RGS7: variants seen among roughly 807,000 people sequenced by gnomAD.
RGS7 encodes regulator of G-protein signaling 7.
RGS7 carries 27 observed loss-of-function variants against 81.1 expected under a neutral mutation model. The observed-to-expected ratio is 0.33, with a 90% CI of 0.25 to 0.46. The LOEUF (loss-of-function observed/expected upper bound fraction) is 0.46, where lower values mean the gene tolerates loss of function less well. RGS7 is among the 20% of genes least tolerant of loss of function. The pLI, the probability that RGS7 is intolerant of heterozygous loss-of-function variation, is 1.00. For synonymous variants in RGS7, 208 were observed against 207.7 expected, an observed-to-expected ratio of 1.00 and a Z score of -0.01; for missense variants, 396 against 607.4, an observed-to-expected ratio of 0.65 and a Z score of 3.66.
In RGS7 at chr1:240,868,441, G is replaced by A. The variant is rs1286822731; in HGVS notation, c.609+146C>T. 3 of 733,028 alleles carry A rather than the reference G, an allele frequency of 4.1e-6. No individual in the cohort carries two copies. Among genetic ancestry groups the A allele is most frequent in the Non-Finnish European group, 7.4e-6 (3 of 407,644 alleles). 45.4% of individuals were successfully genotyped at this position (733,028 alleles called of 1,614,324 possible). On this transcript the variant is annotated intron_variant, in intron 9 of 18. Transcript: ENST00000440928. The surrounding 1 kb of genome is among the most constrained non-coding windows in gnomAD (Gnocchi z 5.1). ...TGAGGTCTAGTCATCCTACACAAAAGTGGTGATCTTTTCTTAATGAATTCA... is the reference window on the plus strand; with the variant it reads ...TGAGGTCTAGTCATCCTACACAAAAATGGTGATCTTTTCTTAATGAATTCA...
At chr1:240,988,744 GA>G (rs1686028910) in intron 3 of RGS7, among the ~76,000 whole-genome samples, 1 of 152,174 alleles carries the variant, frequency 6.6e-6, no homozygotes, top group African/African-American at 2.4e-5. Flanking sequence ...CTTGATCTAA[GA>G]AATCTCAGCA....
chr1:240,922,480 C>T, intron 6 of RGS7, among the ~76,000 whole-genome samples: 1 of 151,918 alleles, frequency 6.6e-6, no homozygotes, highest in Non-Finnish European at 1.5e-5. Context: ...TCTGATAAAG[C>T]ACTGGTATCC....
At chr1:241,053,437 A>C (rs79645835) in intron 3 of RGS7, among the ~76,000 whole-genome samples, 2,403 of 152,320 alleles carry the variant, frequency 0.016, 30 homozygotes, top group Middle Eastern at 0.051. Flanking sequence ...GGAGGGGGAA[A>C]GTCATAAAGC....
chr1:241,005,740 T>C (rs113821072), intron 3 of RGS7, among the ~76,000 whole-genome samples: 4,261 of 152,210 alleles, frequency 0.028, 205 homozygotes, highest in African/African-American at 0.096. Context: ...TTCACTTACG[T>C]TGGCCAGGCT....
chr1:240,803,758 A>C lies in RGS7; in HGVS notation c.1270-765T>G, dbSNP rs1688385489. 3.9e-5 allele frequency among the ~76,000 whole-genome samples: 6 copies of C among 152,220 alleles called. No homozygotes were observed. In the South Asian group the frequency reaches 1.2e-3, roughly 32 times the overall value. On this transcript the variant is annotated intron_variant, in intron 15 of 18. Transcript: ENST00000440928. ...CTGGTCTACCGCAGCTCAGGGAGCT[A>C]ACATGTGCCTTGATCTTCCAACTCT...
intron 2 of RGS7, among the ~76,000 whole-genome samples, chr1:241,177,654 G>A (rs778175163): frequency 1.3e-5 from 2 of 152,146 alleles, no homozygotes; most frequent in Admixed American, 6.5e-5. Flanking sequence ...CAGAAGTTTA[G>A]GTGAAAAAGC....
rs567173103 is a variant in RGS7, at chr1:241,144,325, CAT to C, written c.79-45565_79-45564del. Among the ~76,000 whole-genome samples the C allele has an allele frequency of 1.4e-4, 22 of 152,316 alleles. No individual in the cohort carries two copies. In the East Asian group the frequency reaches 3.5e-3, roughly 24 times the overall value. ...CCTGCAAACGCATCCATCACACACA[CAT>C]GTGGATACGCACAGGCACACACATC... is the stretch of plus-strand genomic sequence containing the variant. On this transcript the variant is annotated intron_variant, in intron 2 of 18. Transcript: ENST00000440928. The surrounding 1 kb of genome is among the most constrained non-coding windows in gnomAD (Gnocchi z 4.7).
At chr1:241,335,971 GTT>G (rs1296925370) in intron 2 of RGS7, among the ~76,000 whole-genome samples, 1 of 142,974 alleles carries the variant, frequency 7.0e-6, no homozygotes, top group Non-Finnish European at 1.5e-5. Context: ...ATATTTTAGA[GTT>G]GTTATGTTAG....
At position 240,855,758 on chromosome 1, in the gene RGS7, CTT is replaced by C. The variant is rs145102789; in HGVS notation, c.609+12827_609+12828del. ...AATCTACTTGTGAAAAAGATTTTAT[CTT>C]TTTAATTCATATTGTCAAATTAATT... On this transcript the variant is annotated intron_variant, in intron 9 of 18. Transcript: ENST00000440928. Among the ~76,000 whole-genome samples, 1,508 of 152,168 alleles carry C rather than the reference CTT, an allele frequency of 9.9e-3. 62 individuals carry two copies. In the East Asian group the frequency reaches 0.14, roughly 14 times the overall value.
At chr1:241,122,888 T>C (rs991563214) in intron 2 of RGS7, among the ~76,000 whole-genome samples, 1 of 152,202 alleles carries the variant, frequency 6.6e-6, no homozygotes, top group Non-Finnish European at 1.5e-5. Flanking sequence ...ATACGGTTTC[T>C]ACTGAATGTG....
chr1:241,111,074 A>G (rs750312257), intron 2 of RGS7, among the ~76,000 whole-genome samples: 1 of 152,208 alleles, frequency 6.6e-6, no homozygotes. Flanking sequence ...GCTTTGGAAC[A>G]TAAGAATTAC....
chr1:240,900,012 C>T (rs1669719320), intron 6 of RGS7, among the ~76,000 whole-genome samples: 1 of 152,130 alleles, frequency 6.6e-6, no homozygotes, highest in Non-Finnish European at 1.5e-5. Flanking sequence ...CTAAACTTCT[C>T]TTCTCGCTCC....
chr1:241,007,346 G>A (rs182581870), intron 3 of RGS7, among the ~76,000 whole-genome samples: 1 of 152,092 alleles, frequency 6.6e-6, no homozygotes. Context: ...TTTATTCTTG[G>A]ATATATAATA....
At chr1:241,304,807 T>C (rs113887066) in intron 2 of RGS7, among the ~76,000 whole-genome samples, 39 of 152,352 alleles carry the variant, frequency 2.6e-4, no homozygotes, top group African/African-American at 8.9e-4. Context: ...TTTGCACATA[T>C]GTGATGTTTG....
intron 2 of RGS7, among the ~76,000 whole-genome samples, chr1:241,320,199 C>T (rs1236192247): frequency 1.3e-5 from 2 of 152,312 alleles, no homozygotes; most frequent in East Asian, 3.9e-4. Flanking sequence ...ATGCTAATTC[C>T]AACTCTGTGC....
intron 3 of RGS7, among the ~76,000 whole-genome samples, chr1:241,049,342 G>A (rs1040584118): frequency 2.0e-5 from 3 of 152,136 alleles, no homozygotes; most frequent in Non-Finnish European, 4.4e-5. Context: ...AGTTGTCTTC[G>A]TGAATTCTTA....
chr1:240,976,612 G>A (rs1282779325), intron 4 of RGS7, among the ~76,000 whole-genome samples: 4 of 152,110 alleles, frequency 2.6e-5, no homozygotes, highest in Non-Finnish European at 4.4e-5. Context: ...AGGGAATTCT[G>A]CCACCAGACC....
At chr1:241,236,110 A>C (rs985341422) in intron 2 of RGS7, among the ~76,000 whole-genome samples, 30 of 152,026 alleles carry the variant, frequency 2.0e-4, no homozygotes, top group African/African-American at 7.0e-4. Context: ...GAGAATACTT[A>C]AGAGAAAGTT....
At chr1:240,793,600 TA>T (rs1558259227) in intron 18 of RGS7, among the ~76,000 whole-genome samples, 5 of 105,152 alleles carry the variant, frequency 4.8e-5, no homozygotes, top group East Asian at 2.3e-4. Context: ...TATATATATA[TA>T]TATATATATA....
Sources: allele counts gnomAD v4.1 joint callset (sites outside exome capture counted in the v4.1 genomes callset), GRCh38; gene constraint gnomAD v4.1.1; non-coding constraint Gnocchi (gnomAD v3.1); transcripts MANE v1.5; gene names NCBI Gene and HGNC (gene_info 2026-07-23, HGNC 2026-07-21).